The following CEP295 variants were observed in gnomAD, a reference collection of about 807,000 sequenced individuals.
CEP295 encodes the protein centrosomal protein of 295 kDa.
In CEP295, 190 loss-of-function variants were observed where a neutral mutation model predicts 291.6. The observed-to-expected ratio is 0.65, with a 90% confidence interval of 0.58 to 0.73. The LOEUF (loss-of-function observed/expected upper bound fraction) is 0.73. Ranked by LOEUF, CEP295 falls within the 30% of genes least tolerant of loss-of-function variation. CEP295 has a pLI of 0.00. For synonymous variants in CEP295, 993 were observed against 1,038.8 expected (o/e 0.96, Z 0.85); for missense variants, 2,863 against 2,949.4 (o/e 0.97, Z 0.68).
chr11:93,718,582 C>G (rs1363359152), intron 18 of CEP295, among the ~76,000 whole-genome samples: 1 of 152,152 alleles, frequency 6.6e-6, no homozygotes, highest in Non-Finnish European at 1.5e-5. Context: ...CAAATGCTGC[C>G]TTATTTATTC....
rs901570596 is a variant in CEP295 at position 93,693,752 on chromosome 11, C to CA, written c.1533+1731dup. On this transcript the variant is annotated intron_variant, in intron 12 of 29. Coordinates refer to ENST00000325212, the MANE Select transcript of CEP295 (RefSeq NM_033395.2). The stretch of plus-strand genomic sequence containing the variant: ...CTGGGCGACAAGAGCGAAACTATCT[C>CA]AAAAAAAAAGAAAAAAAGAAAAAAA... Among the ~76,000 whole-genome samples the CA allele has an allele frequency of 2.0e-4, 30 of 147,158 alleles. 1 individual carries two copies. Among genetic ancestry groups the CA allele is most frequent in the Admixed American group, 1.0e-3 (15 of 14,742 alleles).
At chr11:93,725,380 A>G (rs957417632) in intron 22 of CEP295, among the ~76,000 whole-genome samples, 44 of 152,234 alleles carry the variant, frequency 2.9e-4, no homozygotes, top group African/African-American at 9.9e-4. Context: ...CAGTAAAGTA[A>G]ATACAATTTT....
Position 93,691,939 on chromosome 11 carries a change from C to T in CEP295, c.1442C>T (p.Thr481Ile), listed in dbSNP as rs1220353080. The T allele has an allele frequency of 3.2e-6, 5 of 1,540,102 alleles. No homozygotes were observed. Among genetic ancestry groups the T allele is most frequent in the Non-Finnish European group, 4.4e-6 (5 of 1,138,810 alleles). Residue 481 changes from threonine to isoleucine, a missense_variant, in exon 12 of 30, where the codon ACT becomes ATT. By Grantham distance (89) the Thr-to-Ile change is moderately conservative. Around this residue, in one of 3 missense-constraint regions of CEP295, gnomAD observed 554 missense variants for 576.0 expected, o/e 0.96. Coordinates refer to ENST00000325212, the MANE Select transcript of CEP295 (RefSeq NM_033395.2). ...NSGKEQEINE[T>I]LPITTVAQSS... is the part of the protein sequence containing the mutation. Reference sequence around the variant, plus strand: ...GGCATTCCCCTAGAAATAAATGAGACTCTGCCTATCACAACTGTAGCTCAG... The same window carrying T: ...GGCATTCCCCTAGAAATAAATGAGATTCTGCCTATCACAACTGTAGCTCAG...
intron 12 of CEP295, among the ~76,000 whole-genome samples, chr11:93,695,050 T>C (rs1245385873): frequency 6.6e-6 from 1 of 152,242 alleles, no homozygotes; most frequent in Non-Finnish European, 1.5e-5. Context: ...TCATTGCTTC[T>C]AGATAACTAT....
rs1565422398 is a variant in CEP295 at position 93,663,691 on chromosome 11, A to G, written c.-27+1917A>G. Among the ~76,000 whole-genome samples, 3 of 152,224 alleles carry G rather than the reference A, an allele frequency of 2.0e-5. No individual in the cohort carries two copies. The South Asian group carries it at 6.2e-4, about 31-fold the overall frequency. ...TGAAATTTCCAAATAAAAAGTTTAAAAAATTTAAAAATTATACACAAGAAG... is the reference window on the plus strand; with the variant it reads ...TGAAATTTCCAAATAAAAAGTTTAAGAAATTTAAAAATTATACACAAGAAG... On this transcript the variant is annotated intron_variant, in intron 1 of 29. Coordinates refer to ENST00000325212, the MANE Select transcript of CEP295 (RefSeq NM_033395.2).
intron 10 of CEP295, among the ~76,000 whole-genome samples, chr11:93,688,460 A>G (rs150459838): frequency 2.0e-5 from 3 of 152,274 alleles, no homozygotes; most frequent in East Asian, 3.9e-4. Context: ...TTTTGCTTCT[A>G]TGCTTTTGAT....
At chr11:93,707,903 T>A (rs1220501631) in intron 18 of CEP295, among the ~76,000 whole-genome samples, 1 of 152,230 alleles carries the variant, frequency 6.6e-6, no homozygotes, top group Non-Finnish European at 1.5e-5. Flanking sequence ...AAAGGGATAT[T>A]CTTTTGAGGG....
intron 9 of CEP295, 60 bp from the exon 10 acceptor site, chr11:93,687,584 C>T (rs1951307066): frequency 1.1e-6 from 1 of 882,186 alleles, no homozygotes; most frequent in Non-Finnish European, 1.7e-6. Flanking sequence ...TAAGATGGAA[C>T]AATTTGCCTG....
Position 93,683,968 on chromosome 11 carries a change from G to GA in CEP295, c.957dup (p.Gly320ArgfsTer8). 1 of 1,547,018 alleles carries GA rather than the reference G, an allele frequency of 6.5e-7. No homozygotes were observed. The highest frequency in any genetic ancestry group is 8.7e-7 in the Non-Finnish European group (1 of 1,146,076). On this transcript the variant is annotated frameshift_variant, in exon 9 of 30. Coordinates refer to ENST00000325212, the MANE Select transcript of CEP295 (RefSeq NM_033395.2). LOFTEE classifies it high-confidence loss of function. ...TCTCTATTTTTCTTTTTTAAGAGGT[G>GA]AAAGGGAATCTGATTCTGCACCTTG...
chr11:93,720,671 C>A (rs958474236), intron 18 of CEP295, among the ~76,000 whole-genome samples: 3 of 152,102 alleles, frequency 2.0e-5, no homozygotes, highest in African/African-American at 7.2e-5. Flanking sequence ...CGGTTCATTA[C>A]AACCTCCGCC....
intron 18 of CEP295, among the ~76,000 whole-genome samples, chr11:93,708,536 T>C (rs893598394): frequency 9.2e-5 from 14 of 152,196 alleles, no homozygotes; most frequent in African/African-American, 2.9e-4. Context: ...GCCACTTTTT[T>C]TTTATCCATT....
Position 93,727,238 on chromosome 11 carries a change from G to A in CEP295, c.6762G>A (p.Gln2254=), listed in dbSNP as rs888569024. ...ATGTATTTGATCAGTTAAATGTACA[G>A]CATAGCACTCCATGTGGTTCTAACT... The part of the protein sequence containing the change: ...EANVFDQLNV[Q]HSTPCGSNSS... Residue 2254 remains glutamine, a synonymous_variant, in exon 24 of 30, where the codon CAG becomes CAA. Coordinates refer to ENST00000325212, the MANE Select transcript of CEP295 (RefSeq NM_033395.2). 5 of 1,551,738 alleles carry A rather than the reference G, an allele frequency of 3.2e-6. No homozygotes were observed. The South Asian group carries it at 4.8e-5, about 15-fold the overall frequency.
At position 93,692,721 on chromosome 11, in the gene CEP295, C is replaced by G. The variant is rs2135055439; in HGVS notation, c.1533+691C>G. On this transcript the variant is annotated intron_variant, in intron 12 of 29. Transcript: ENST00000325212. Reference sequence around the variant, plus strand: ...GGCATAGTGACTCATGCCTGAAATCCCAGCACTTTGGGAGGCTGAGGTGGG... The same window carrying G: ...GGCATAGTGACTCATGCCTGAAATCGCAGCACTTTGGGAGGCTGAGGTGGG... Among the ~76,000 whole-genome samples the G allele has an allele frequency of 2.6e-5, 4 of 152,122 alleles. No homozygotes were observed. In the South Asian group the frequency reaches 8.3e-4, roughly 32 times the overall value.
chr11:93,702,277 T>C (rs895096341), intron 15 of CEP295, among the ~76,000 whole-genome samples, 183 bp from the exon 16 acceptor site: 2 of 152,212 alleles, frequency 1.3e-5, no homozygotes, highest in African/African-American at 4.8e-5. Context: ...GTATTTTCAA[T>C]GGAAATATCC....
chr11:93,723,847 A>G (rs1183928136), intron 21 of CEP295: 1 of 158,962 alleles, frequency 6.3e-6, no homozygotes, highest in African/African-American at 2.4e-5. Flanking sequence ...CGTATTTGTC[A>G]AAAGTTTGTT....
At chr11:93,685,403 C>A (rs67182840) in intron 9 of CEP295, among the ~76,000 whole-genome samples, 1 of 152,112 alleles carries the variant, frequency 6.6e-6, no homozygotes, top group Non-Finnish European at 1.5e-5. Flanking sequence ...ACACCGTGAA[C>A]GTAGCCTTTT....
At chr11:93,721,125 C>G (rs1953682675) in intron 18 of CEP295, among the ~76,000 whole-genome samples, 187 bp from the exon 19 acceptor site, 1 of 152,102 alleles carries the variant, frequency 6.6e-6, no homozygotes, top group Non-Finnish European at 1.5e-5. Flanking sequence ...ATTGTGCTGA[C>G]TAGTGAATGT....
chr11:93,694,774 A>G (rs537941550), intron 12 of CEP295, among the ~76,000 whole-genome samples: 2 of 152,344 alleles, frequency 1.3e-5, no homozygotes, highest in South Asian at 4.1e-4. Flanking sequence ...TTTAAAACTT[A>G]TGAATTATTT....
intron 11 of CEP295, 43 bp downstream of exon 11, chr11:93,691,818 G>A (rs565475144): frequency 7.4e-7 from 1 of 1,350,700 alleles, no homozygotes; most frequent in South Asian, 1.3e-5. Context: ...TTGACTCCTT[G>A]CATCTTTTTT....
Sources: gnomAD v4.1 joint callset for allele counts (sites outside exome capture counted in the v4.1 genomes callset) on GRCh38, gnomAD v4.1.1 for gene constraint, gnomAD v4.1.1 regional missense constraint, MANE v1.5 for transcripts, NCBI Gene and HGNC (gene_info 2026-07-23, HGNC 2026-07-21) for gene names.